TMEM135: variants seen among roughly 807,000 people sequenced by gnomAD.
TMEM135 encodes the protein transmembrane protein 135, also known as peroxisomal membrane protein 52.
TMEM135 carries 30 observed loss-of-function variants against 60.3 expected under a neutral mutation model. The ratio of observed to expected loss-of-function variants is 0.50; its 90% confidence interval spans 0.37 to 0.68. TMEM135 has a LOEUF of 0.68. Among genes scored for constraint, TMEM135 ranks in the 30% least tolerant of loss-of-function variants. The pLI, the probability that TMEM135 is intolerant of heterozygous loss-of-function variation, is 0.00. For synonymous variants in TMEM135, 190 were observed against 186.7 expected, an observed-to-expected ratio of 1.02 and a Z score of -0.14; for missense variants, 468 against 548.8, an observed-to-expected ratio of 0.85 and a Z score of 1.47.
intron 4 of TMEM135, among the ~76,000 whole-genome samples, chr11:87,135,737 A>G (rs893429264): frequency 3.9e-5 from 6 of 152,004 alleles, no homozygotes; most frequent in Non-Finnish European, 2.9e-5. Context: ...TTGCATTTCC[A>G]TGTAAATTTT....
Position 87,081,686 on chromosome 11 carries a change from T to G in TMEM135, c.363-9676T>G, listed in dbSNP as rs1210747961. Among the ~76,000 whole-genome samples, 42 of 31,420 alleles carry G rather than the reference T, an allele frequency of 1.3e-3. 1 individual carries two copies. The Admixed American group carries it at 0.017, about 13-fold the overall frequency. 20.6% of individuals were successfully genotyped at this position (31,420 alleles called of 152,430 possible). A position where few individuals can be genotyped will look rare whatever the true frequency, so the allele number is the denominator to read the frequency against. On this transcript the variant is annotated intron_variant, in intron 3 of 14. Coordinates refer to ENST00000305494, the MANE Select transcript of TMEM135 (RefSeq NM_022918.4). ...ATTTTCACTTTTGATAGCTGAGGGT[T>G]TTTTTTTTTTTTAAGCTTTCTGTTT...
intron 4 of TMEM135, among the ~76,000 whole-genome samples, chr11:87,149,222 A>G (rs1415480908): frequency 6.6e-6 from 1 of 152,082 alleles, no homozygotes; most frequent in Non-Finnish European, 1.5e-5. Context: ...GAATCTTTCT[A>G]TTTTTCTAAT....
At position 87,309,601 on chromosome 11, in the gene TMEM135, C is replaced by T; in HGVS notation, c.865C>T (p.Leu289Phe). 6.8e-6 allele frequency: 11 copies of T among 1,613,878 alleles called. No individual in the cohort carries two copies. Among genetic ancestry groups the T allele is most frequent in the Non-Finnish European group, 8.5e-6 (10 of 1,179,816 alleles). Reference protein sequence around the residue: ...RHLFTQPSRLLSLFYNKENFQ... With the variant: ...RHLFTQPSRLFSLFYNKENFQ... ...TCTGTTTACACAGCCATCTCGGCTA[C>T]TTTCTCTCTTCTACAATAAAGAAAA... The change falls in exon 10 of 15, where the codon CTT (leucine) becomes TTT (phenylalanine). Residue 289 changes from leucine to phenylalanine, a missense_variant. By Grantham distance (22) the Leu-to-Phe change is conservative (BLOSUM62 0). Transcript: ENST00000305494.
At chr11:87,178,809 C>T in intron 5 of TMEM135, among the ~76,000 whole-genome samples, 1 of 151,670 alleles carries the variant, frequency 6.6e-6, no homozygotes. Context: ...GTTTGGATTA[C>T]ATTTTGTTTA....
At chr11:87,286,828 C>G (rs1466169630) in intron 6 of TMEM135, among the ~76,000 whole-genome samples, 1 of 152,114 alleles carries the variant, frequency 6.6e-6, no homozygotes, top group Non-Finnish European at 1.5e-5. Flanking sequence ...TTTTGAAGTT[C>G]CAGCTATTGT....
chr11:87,053,736 T>C (rs145069272), intron 1 of TMEM135, among the ~76,000 whole-genome samples: 144 of 152,320 alleles, frequency 9.5e-4, no homozygotes, highest in African/African-American at 3.2e-3. Flanking sequence ...ACTTCAGATT[T>C]ATTATTCTTC....
At chr11:87,217,503 G>A (rs186191686) in intron 5 of TMEM135, among the ~76,000 whole-genome samples, 2 of 152,254 alleles carry the variant, frequency 1.3e-5, no homozygotes, top group Non-Finnish European at 2.9e-5. Context: ...AAGGGATTTG[G>A]GGCCGGGTGC....
chr11:87,207,903 G>T (rs115663901), intron 5 of TMEM135, among the ~76,000 whole-genome samples: 4,589 of 152,236 alleles, frequency 0.03, 211 homozygotes, highest in African/African-American at 0.1. Context: ...AGGACCAGAG[G>T]ACAAAACTGT....
At chr11:87,181,124 C>T (rs1313943932) in intron 5 of TMEM135, among the ~76,000 whole-genome samples, 1 of 152,002 alleles carries the variant, frequency 6.6e-6, no homozygotes, top group Non-Finnish European at 1.5e-5. Context: ...AGAAAAAGAA[C>T]CAACAGAAAC....
At chr11:87,179,882 A>G (rs1298347700) in intron 5 of TMEM135, among the ~76,000 whole-genome samples, 2 of 152,216 alleles carry the variant, frequency 1.3e-5, no homozygotes, top group Non-Finnish European at 2.9e-5. Context: ...CAGGAGGTTC[A>G]GGATGCACTT....
intron 6 of TMEM135, among the ~76,000 whole-genome samples, chr11:87,245,153 G>T (rs1167709113): frequency 6.8e-6 from 1 of 147,544 alleles, no homozygotes; most frequent in Non-Finnish European, 1.5e-5. Context: ...CCATGTAGTT[G>T]AGCGGTTTTG....
At chr11:87,253,178 C>A (rs1411312008) in intron 6 of TMEM135, among the ~76,000 whole-genome samples, 1 of 152,094 alleles carries the variant, frequency 6.6e-6, no homozygotes, top group African/African-American at 2.4e-5. Context: ...TGTGGCAAAT[C>A]TGTTGTCATT....
chr11:87,151,177 TG>T (rs1341123845), intron 4 of TMEM135, among the ~76,000 whole-genome samples: 1 of 152,190 alleles, frequency 6.6e-6, no homozygotes, highest in Non-Finnish European at 1.5e-5. Flanking sequence ...TCTTTCACTT[TG>T]GGAATTCATA....
chr11:87,328,609 C>G lies in TMEM135; in HGVS notation c.*7276C>G. ...AACATACAGAATTTGATTTTCTATT[C>G]CGGAGTTACTTTACTTAGAATAATG... is the stretch of plus-strand genomic sequence containing the variant. On this transcript the variant is annotated 3_prime_UTR_variant, in exon 15 of 15. Transcript: ENST00000305494. 1 of 454,026 alleles carries G rather than the reference C, an allele frequency of 2.2e-6. No individual in the cohort carries two copies. Among genetic ancestry groups the G allele is most frequent in the South Asian group, 1.6e-5 (1 of 64,470 alleles). 28.1% of individuals were successfully genotyped at this position (454,026 alleles called of 1,614,324 possible).
intron 5 of TMEM135, among the ~76,000 whole-genome samples, chr11:87,179,901 G>T (rs1359808449): frequency 1.3e-5 from 2 of 152,128 alleles, no homozygotes; most frequent in Non-Finnish European, 2.9e-5. Context: ...TTCCAACCTG[G>T]AGATATGACT....
chr11:87,170,410 A>G (rs550885505), intron 5 of TMEM135, among the ~76,000 whole-genome samples: 1 of 152,138 alleles, frequency 6.6e-6, no homozygotes, highest in East Asian at 1.9e-4. Flanking sequence ...GTTTTTCCTT[A>G]TCTTTGTGAA....
At chr11:87,146,016 T>C (rs917153385) in intron 4 of TMEM135, among the ~76,000 whole-genome samples, 2 of 152,226 alleles carry the variant, frequency 1.3e-5, no homozygotes, top group Admixed American at 1.3e-4. Context: ...ACCAATGTTG[T>C]TTAGTCTTTA....
At chr11:87,059,589 T>C (rs1325046537) in intron 1 of TMEM135, among the ~76,000 whole-genome samples, 1 of 152,206 alleles carries the variant, frequency 6.6e-6, no homozygotes, top group Non-Finnish European at 1.5e-5. Flanking sequence ...GTTCTGGGAT[T>C]ACAGGCATGA....
At chr11:87,313,987 T>A (rs1304731299) in intron 11 of TMEM135, among the ~76,000 whole-genome samples, 1 of 151,834 alleles carries the variant, frequency 6.6e-6, no homozygotes, top group Non-Finnish European at 1.5e-5. Context: ...ACCTTAGTTA[T>A]TAGTATTCGA....
Sources: gnomAD v4.1 joint callset for allele counts (sites outside exome capture counted in the v4.1 genomes callset) on GRCh38, gnomAD v4.1.1 for gene constraint, MANE v1.5 for transcripts, NCBI Gene and HGNC (gene_info 2026-07-23, HGNC 2026-07-21) for gene names.